ARHGAP42: variants seen among roughly 807,000 people sequenced by gnomAD.
ARHGAP42 encodes the protein Rho GTPase activating protein 42.
Under a neutral mutation model 125.0 loss-of-function variants are expected in ARHGAP42, and 63 were observed. The ratio of observed to expected loss-of-function variants is 0.50; its 90% CI spans 0.41 to 0.62. The LOEUF is 0.62. ARHGAP42 is among the 20% of genes least tolerant of loss of function. The pLI is 0.00. For synonymous variants in ARHGAP42, 339 were observed against 351.0 expected, an observed-to-expected ratio of 0.97 and a Z score of 0.38; for missense variants, 766 against 1,024.2, an observed-to-expected ratio of 0.75 and a Z score of 3.44.
chr11:100,914,024 T>C (rs1565273401), intron 5 of ARHGAP42, among the ~76,000 whole-genome samples: 4 of 152,170 alleles, frequency 2.6e-5, no homozygotes, highest in African/African-American at 9.7e-5. Context: ...AACCTCTGCC[T>C]CCTGGGTTCA....
intron 22 of ARHGAP42, among the ~76,000 whole-genome samples, chr11:100,981,461 G>A (rs1159026460): frequency 6.6e-6 from 1 of 152,114 alleles, no homozygotes; most frequent in African/African-American, 2.4e-5. Flanking sequence ...AGGAGCTCAA[G>A]GTTACCCTTG....
chr11:100,943,707 A>G (rs1479152255), intron 9 of ARHGAP42, 52 bp from the exon 10 acceptor site: 1 of 1,241,666 alleles, frequency 8.1e-7, no homozygotes, highest in Non-Finnish European at 1.1e-6. Flanking sequence ...TATTTAATAT[A>G]TTTCAATTCA....
Position 100,687,847 on chromosome 11 carries a change from C to CG in ARHGAP42, c.154+20dup, listed in dbSNP as rs1193931250. 2 of 1,538,432 alleles carry CG rather than the reference C, an allele frequency of 1.3e-6. No homozygotes were observed. The highest frequency in any genetic ancestry group is 1.8e-6 in the Non-Finnish European group (2 of 1,138,926). On this transcript the variant is annotated intron_variant, in intron 1 of 23. Transcript: ENST00000298815. Reference sequence around the variant, plus strand: ...GGCGTTGAGGAGTAAGTAGGGCTGGCGGGGGAGTGGACACCCGCATCTGGA... The same window carrying CG: ...GGCGTTGAGGAGTAAGTAGGGCTGGCGGGGGGAGTGGACACCCGCATCTGGA...
At chr11:100,690,898 C>A (rs1861177918) in intron 1 of ARHGAP42, among the ~76,000 whole-genome samples, 1 of 152,152 alleles carries the variant, frequency 6.6e-6, no homozygotes, top group Non-Finnish European at 1.5e-5. Flanking sequence ...CCGCGCCCGG[C>A]CAACATCCAT....
intron 3 of ARHGAP42, among the ~76,000 whole-genome samples, chr11:100,858,384 C>T (rs1451254836): frequency 1.3e-5 from 2 of 151,954 alleles, no homozygotes; most frequent in Non-Finnish European, 2.9e-5. Flanking sequence ...TTTTGGTCTT[C>T]TTTTCAAGAT....
intron 22 of ARHGAP42, among the ~76,000 whole-genome samples, chr11:100,984,104 G>A (rs1304527372): frequency 2.0e-5 from 3 of 149,356 alleles, no homozygotes; most frequent in Non-Finnish European, 4.4e-5. Context: ...GCAACCCAGT[G>A]AGACCCTGTC....
At chr11:100,700,523 TTAAG>T (rs1861379307) in intron 1 of ARHGAP42, among the ~76,000 whole-genome samples, 1 of 152,246 alleles carries the variant, frequency 6.6e-6, no homozygotes, top group Non-Finnish European at 1.5e-5. Context: ...CTGATTTTTA[TTAAG>T]TAAGTTTATG....
At chr11:100,704,092 G>A (rs1274308850) in intron 1 of ARHGAP42, among the ~76,000 whole-genome samples, 1 of 152,168 alleles carries the variant, frequency 6.6e-6, no homozygotes, top group Non-Finnish European at 1.5e-5. Context: ...GTTAAGAATT[G>A]AAGGGGAAGA....
chr11:100,941,480 C>T (rs1319830903), intron 8 of ARHGAP42, among the ~76,000 whole-genome samples: 1 of 152,126 alleles, frequency 6.6e-6, no homozygotes, highest in Non-Finnish European at 1.5e-5. Context: ...CCTCATTCTT[C>T]CTACCTCTAT....
intron 3 of ARHGAP42, among the ~76,000 whole-genome samples, chr11:100,837,666 C>CTATTTTTTTTTTTTTTTTTTTTTT (rs1555008871): frequency 1.8e-4 from 11 of 61,068 alleles, no homozygotes; most frequent in African/African-American, 7.7e-4. Context: ...AGGTGTCATC[C>CTATTTTTTTTTTTTTTTTTTTTTT]TTTTTTTTTT....
At chr11:100,917,535 T>A (rs1313250267) in intron 5 of ARHGAP42, among the ~76,000 whole-genome samples, 9 of 152,154 alleles carry the variant, frequency 5.9e-5, no homozygotes, top group Non-Finnish European at 1.3e-4. Flanking sequence ...CATTTTTAAA[T>A]TATCTGTTAA....
At chr11:100,776,327 C>T (rs1863119425) in intron 2 of ARHGAP42, among the ~76,000 whole-genome samples, 1 of 152,154 alleles carries the variant, frequency 6.6e-6, no homozygotes, top group African/African-American at 2.4e-5. Flanking sequence ...TGTGTGATGA[C>T]CTAGACTCTC....
chr11:100,905,785 T>C (rs1380225474), intron 4 of ARHGAP42, among the ~76,000 whole-genome samples: 1 of 149,026 alleles, frequency 6.7e-6, no homozygotes, highest in Non-Finnish European at 1.5e-5. Context: ...GAGACCAGCC[T>C]GGCCAACGTA....
At chr11:100,885,192 T>C (rs1866061922) in intron 4 of ARHGAP42, among the ~76,000 whole-genome samples, 1 of 152,190 alleles carries the variant, frequency 6.6e-6, no homozygotes, top group Non-Finnish European at 1.5e-5. Flanking sequence ...GTAAACAGTT[T>C]AGCAGCCACT....
chr11:100,779,432 C>T lies in ARHGAP42; in HGVS notation c.250+8994C>T, dbSNP rs1338620029. On this transcript the variant is annotated intron_variant, in intron 2 of 23. Coordinates refer to ENST00000298815, the MANE Select transcript of ARHGAP42 (RefSeq NM_152432.4). ...TGCACTCTAGCCTGGGCAACAAGAGCGAGACTGCGTCTCAAAAAAAAAAAA... is the reference window on the plus strand; with the variant it reads ...TGCACTCTAGCCTGGGCAACAAGAGTGAGACTGCGTCTCAAAAAAAAAAAA... 2.1e-3 allele frequency among the ~76,000 whole-genome samples: 208 copies of T among 97,156 alleles called. 3 individuals carry two copies. Among genetic ancestry groups the T allele is most frequent in the African/African-American group, 8.5e-3 (201 of 23,684 alleles). The allele number at this position is 97,156 out of a possible 152,430, so 63.7% of individuals were successfully genotyped here.
rs1291669129 is a variant in ARHGAP42 at position 100,943,852 on chromosome 11, A to G, written c.1027A>G (p.Ile343Val). Residue 343 changes from isoleucine (I) to valine (V), a missense_variant, in exon 10 of 24, where the codon ATA becomes GTA. Ile to Val is a conservative substitution (Grantham distance 29). Transcript: ENST00000298815. ...AATTGACAAACGATTCTGCTTTGAC[A>G]TAGAAGTAGTTGAAAGGTTTGAGCT... ...DSIDKRFCFD[I>V]EVVERHGIIT... 4 of 1,547,010 alleles carry G rather than the reference A, an allele frequency of 2.6e-6. No homozygotes were observed. Among genetic ancestry groups the G allele is most frequent in the Non-Finnish European group, 3.5e-6 (4 of 1,143,818 alleles).
At chr11:100,804,772 A>C (rs530130146) in intron 3 of ARHGAP42, among the ~76,000 whole-genome samples, 1 of 152,112 alleles carries the variant, frequency 6.6e-6, no homozygotes, top group South Asian at 2.1e-4. Context: ...TTGGCCTCCA[A>C]AAGTGCTGGG....
chr11:100,875,508 G>C (rs908702726), intron 4 of ARHGAP42, among the ~76,000 whole-genome samples: 1 of 152,174 alleles, frequency 6.6e-6, no homozygotes. Context: ...TCTGAGACAA[G>C]GATGACCATC....
At chr11:100,753,141 G>A (rs748922129) in intron 1 of ARHGAP42, among the ~76,000 whole-genome samples, 3 of 152,258 alleles carry the variant, frequency 2.0e-5, no homozygotes, top group Admixed American at 1.3e-4. Flanking sequence ...TGTGTACAGG[G>A]CAAGCAGAGG....
Sources: allele counts gnomAD v4.1 joint callset (sites outside exome capture counted in the v4.1 genomes callset), GRCh38; gene constraint gnomAD v4.1.1; transcripts MANE v1.5; gene names NCBI Gene and HGNC (gene_info 2026-07-23, HGNC 2026-07-21).